SERPINB12: variants seen among roughly 807,000 people sequenced by gnomAD.
The protein encoded by SERPINB12 is serpin family B member 12.
SERPINB12 carries 57 observed loss-of-function variants against 41.1 expected under a neutral mutation model. That is an observed-to-expected ratio of 1.39 (90% CI 1.12 to 1.73). The LOEUF (loss-of-function observed/expected upper bound fraction) is 1.73, where lower values mean the gene tolerates loss of function less well. Among genes scored for constraint, SERPINB12 ranks in the 40% most tolerant of loss-of-function variants. SERPINB12 has a pLI of 0.00. For synonymous variants in SERPINB12, 180 were observed against 181.3 expected, an observed-to-expected ratio of 0.99 and a Z score of 0.06; for missense variants, 536 against 501.9, an observed-to-expected ratio of 1.07 and a Z score of -0.65.
the SERPINB12 span, among the ~76,000 whole-genome samples, chr18:63,523,302 A>G: frequency 2.6e-5 from 4 of 152,218 alleles, no homozygotes; most frequent in African/African-American, 9.6e-5. Context: ...ACCCTTTCGA[A>G]GTTCATTTTT....
chr18:63,521,435 C>G, the SERPINB12 span, among the ~76,000 whole-genome samples: 4 of 152,104 alleles, frequency 2.6e-5, no homozygotes, highest in East Asian at 7.7e-4. Context: ...GAGTCCGGGT[C>G]AAAATTCTTT....
intron 5 of SERPINB12, among the ~76,000 whole-genome samples, chr18:63,563,332 C>T (rs568931235): frequency 1.3e-5 from 2 of 152,168 alleles, no homozygotes; most frequent in Non-Finnish European, 2.9e-5. Context: ...GGGAGCTTAT[C>T]ATATTGTCAG....
intron 5 of SERPINB12, among the ~76,000 whole-genome samples, chr18:63,561,954 G>A (rs1158674339): frequency 2.0e-5 from 3 of 152,038 alleles, no homozygotes; most frequent in Non-Finnish European, 4.4e-5. Context: ...TACTATCTGT[G>A]AGCAACATGC....
chr18:63,556,267 A>T lies in SERPINB12; in HGVS notation c.108A>T (p.Ser36=). The T allele has an allele frequency of 6.2e-7, 1 of 1,614,082 alleles. No homozygotes were observed. The highest frequency in any genetic ancestry group is 8.5e-7 in the Non-Finnish European group (1 of 1,179,958). The change falls in exon 2 of 8, where the codon TCA becomes TCT. Residue 36 remains serine, a synonymous_variant. Coordinates refer to ENST00000382768, the MANE Select transcript of SERPINB12 (RefSeq NM_001307928.2). ...KNIFFSPLSL[S]AALGMVRLGA... ...TATTTTTCTCTCCCCTGAGCCTCTC[A>T]GCTGCCCTTGGTATGGTACGCTTGG... is the stretch of plus-strand genomic sequence containing the variant.
chr18:63,527,260 A>G, the SERPINB12 span, among the ~76,000 whole-genome samples: 1 of 152,348 alleles, frequency 6.6e-6, no homozygotes, highest in South Asian at 2.1e-4. Flanking sequence ...TTTATGGCAG[A>G]CCAAGTAAAT....
chr18:63,522,157 G>A, the SERPINB12 span, among the ~76,000 whole-genome samples: 1 of 152,078 alleles, frequency 6.6e-6, no homozygotes, highest in Non-Finnish European at 1.5e-5. Flanking sequence ...AGTAATGATT[G>A]ACCACATGGT....
At chr18:63,555,655 T>C (rs540677179) in intron 1 of SERPINB12, among the ~76,000 whole-genome samples, 6 of 152,204 alleles carry the variant, frequency 3.9e-5, no homozygotes, top group African/African-American at 1.4e-4. Context: ...AGAGGGAAAT[T>C]TGGATACATA....
chr18:63,521,977 G>T, the SERPINB12 span, among the ~76,000 whole-genome samples: 1 of 152,136 alleles, frequency 6.6e-6, no homozygotes, highest in Non-Finnish European at 1.5e-5. Flanking sequence ...AAAAGCAATA[G>T]GTAGGACTAC....
rs750016906 is a variant in SERPINB12 at position 63,565,510 on chromosome 18, G to A, written c.771G>A (p.Glu257=). The change falls in exon 7 of 8, where the codon GAG becomes GAA. Residue 257 remains glutamate (E), a synonymous_variant. Transcript: ENST00000382768. ...TCTACAGAATTGGCTTCATAGAGGA[G>A]GTGAAGGCACAGATCCTGGAAATGA... The part of the protein sequence containing the change: ...KGLYRIGFIE[E]VKAQILEMRY... 1.9e-6 allele frequency: 3 copies of A among 1,614,072 alleles called. No homozygotes were observed. The South Asian group carries it at 3.3e-5, about 18-fold the overall frequency.
the SERPINB12 span, among the ~76,000 whole-genome samples, chr18:63,532,992 T>G: frequency 6.6e-6 from 1 of 152,178 alleles, no homozygotes; most frequent in South Asian, 2.1e-4. Context: ...TTCTTCTTTT[T>G]TTTCGAGACA....
At chr18:63,555,776 G>T (rs924765072) in intron 1 of SERPINB12, among the ~76,000 whole-genome samples, 12 of 152,102 alleles carry the variant, frequency 7.9e-5, no homozygotes, top group Admixed American at 2.0e-4. Flanking sequence ...TGAGAGAGAG[G>T]CATGAAACAG....
intron 1 of SERPINB12, among the ~76,000 whole-genome samples, chr18:63,545,353 T>C (rs1012673615): frequency 1.3e-5 from 2 of 152,178 alleles, no homozygotes; most frequent in African/African-American, 4.8e-5. Context: ...CATTCAGTGA[T>C]ATATTACATG....
chr18:63,559,561 G>A lies in SERPINB12; in HGVS notation c.304-17G>A. On this transcript the variant is annotated splice_polypyrimidine_tract_variant and intron_variant, in intron 3 of 7. Transcript: ENST00000382768. ...ATAGACACAGTGAAGGTCACATTTT[G>A]TTTCTTCTTTCCTTAGGCTGGGTCC... 1.2e-6 allele frequency: 2 copies of A among 1,613,440 alleles called. No individual in the cohort carries two copies. Among genetic ancestry groups the A allele is most frequent in the Non-Finnish European group, 1.7e-6 (2 of 1,179,646 alleles).
chr18:63,523,768 G>T, the SERPINB12 span, among the ~76,000 whole-genome samples: 264 of 152,270 alleles, frequency 1.7e-3, no homozygotes, highest in African/African-American at 6.1e-3. Flanking sequence ...GGAAAAAAAA[G>T]TTATAGGAAC....
Position 63,568,619 on chromosome 18 carries a change from C to T in SERPINB12, c.*1608C>T, listed in dbSNP as rs558165837. ...CAACTCACATCTCTTTGGAGTCAGT[C>T]TCTTTCCTATCGAGGTGGGTTTCAG... On this transcript the variant is annotated 3_prime_UTR_variant, in exon 8 of 8. Transcript: ENST00000382768. Among the ~76,000 whole-genome samples, 18 of 152,270 alleles carry T rather than the reference C, an allele frequency of 1.2e-4. No homozygotes were observed. Among genetic ancestry groups the T allele is most frequent in the South Asian group, 2.1e-4 (1 of 4,820 alleles).
chr18:63,560,824 T>C (rs1247588094), intron 4 of SERPINB12, among the ~76,000 whole-genome samples: 1 of 152,150 alleles, frequency 6.6e-6, no homozygotes, highest in East Asian at 1.9e-4. Context: ...TAAAAGGATA[T>C]CCAGTAGGAA....
intron 3 of SERPINB12, among the ~76,000 whole-genome samples, chr18:63,559,134 T>C (rs1910812081): frequency 6.6e-6 from 1 of 150,938 alleles, no homozygotes; most frequent in Non-Finnish European, 1.5e-5. Flanking sequence ...GAGATGGAGT[T>C]TCGTTGTGTT....
At chr18:63,522,681 A>G in the SERPINB12 span, among the ~76,000 whole-genome samples, 3,639 of 152,290 alleles carry the variant, frequency 0.024, 146 homozygotes, top group African/African-American at 0.083. Flanking sequence ...TCCATCATCT[A>G]AACATTATTA....
intron 1 of SERPINB12, among the ~76,000 whole-genome samples, chr18:63,551,740 AATT>A (rs1282292951): frequency 6.6e-6 from 1 of 152,234 alleles, no homozygotes; most frequent in African/African-American, 2.4e-5. Flanking sequence ...TCTCTCTTAC[AATT>A]ACATTTTGGT....
Sources: gnomAD v4.1 joint callset for allele counts (sites outside exome capture counted in the v4.1 genomes callset) on GRCh38, gnomAD v4.1.1 for gene constraint, MANE v1.5 for transcripts, NCBI Gene and HGNC (gene_info 2026-07-23, HGNC 2026-07-21) for gene names.